The following PRPSAP1 variants were observed in gnomAD, a reference collection of about 807,000 sequenced individuals.
PRPSAP1 encodes phosphoribosyl pyrophosphate synthetase associated protein 1.
In PRPSAP1, 31 loss-of-function variants were observed where a neutral mutation model predicts 39.4. The ratio of observed to expected loss-of-function variants is 0.79; its 90% confidence interval spans 0.59 to 1.06. The LOEUF (loss-of-function observed/expected upper bound fraction) is 1.06. Among genes scored for constraint, PRPSAP1 ranks in the 50% least tolerant of loss-of-function variants. The probability of loss-of-function intolerance (pLI) is 0.00; values close to 1 mark genes in which losing one functional copy is unlikely to be tolerated. For synonymous variants in PRPSAP1, 212 were observed against 192.6 expected, an observed-to-expected ratio of 1.10 and a Z score of -0.83; for missense variants, 430 against 511.6, an observed-to-expected ratio of 0.84 and a Z score of 1.54.
intron 7 of PRPSAP1, 65 bp from the exon 8 acceptor site, chr17:76,313,956 A>C: frequency 6.4e-7 from 1 of 1,554,476 alleles, no homozygotes; most frequent in Non-Finnish European, 8.8e-7. Flanking sequence ...ATGTAATCAC[A>C]ACCTAATTCC....
intron 3 of PRPSAP1, among the ~76,000 whole-genome samples, chr17:76,334,696 T>G (rs894480147): frequency 3.5e-4 from 54 of 152,182 alleles, no homozygotes; most frequent in Non-Finnish European, 6.2e-4. Flanking sequence ...TCAAGACAAC[T>G]AAGACATTCC....
At chr17:76,321,026 T>C (rs1203492877) in intron 7 of PRPSAP1, among the ~76,000 whole-genome samples, 1 of 151,960 alleles carries the variant, frequency 6.6e-6, no homozygotes, top group Non-Finnish European at 1.5e-5. Flanking sequence ...CAACTGATCC[T>C]GGCACTTTGG....
chr17:76,315,361 AG>A (rs1157036699), intron 7 of PRPSAP1, among the ~76,000 whole-genome samples: 4 of 152,230 alleles, frequency 2.6e-5, no homozygotes, highest in African/African-American at 9.6e-5. Context: ...AATAAAATTC[AG>A]GGTAACAAGA....
At chr17:76,324,866 C>A (rs915979391) in intron 7 of PRPSAP1, among the ~76,000 whole-genome samples, 1 of 149,942 alleles carries the variant, frequency 6.7e-6, no homozygotes, top group African/African-American at 2.5e-5. Flanking sequence ...TCGAGACCAT[C>A]CTGGCTAACA....
intron 7 of PRPSAP1, among the ~76,000 whole-genome samples, chr17:76,323,234 C>G (rs1237143078): frequency 6.8e-6 from 1 of 147,168 alleles, no homozygotes; most frequent in South Asian, 2.2e-4. Flanking sequence ...CCCAGAAACT[C>G]GAGAGAATGA....
intron 1 of PRPSAP1, among the ~76,000 whole-genome samples, chr17:76,350,332 G>C (rs139174719): frequency 6.6e-6 from 1 of 151,594 alleles, no homozygotes; most frequent in Non-Finnish European, 1.5e-5. Flanking sequence ...CCAGCTACTC[G>C]GGAGGCTGAG....
intron 5 of PRPSAP1, 127 bp downstream of exon 5, chr17:76,330,424 G>T: frequency 2.8e-6 from 2 of 703,770 alleles, no homozygotes; most frequent in Non-Finnish European, 4.7e-6. Context: ...CCTGTCTGCT[G>T]CCTCAGGCAT....
chr17:76,326,554 CA>C (rs2071258150), intron 7 of PRPSAP1, among the ~76,000 whole-genome samples: 1 of 152,164 alleles, frequency 6.6e-6, no homozygotes, highest in African/African-American at 2.4e-5. Flanking sequence ...AGGACACAAA[CA>C]AGCCCCAATT....
intron 3 of PRPSAP1, among the ~76,000 whole-genome samples, chr17:76,336,917 G>A (rs2071385827): frequency 6.6e-6 from 1 of 151,994 alleles, no homozygotes; most frequent in African/African-American, 2.4e-5. Context: ...GAGAGATACC[G>A]GACAAATTGG....
chr17:76,319,844 C>T (rs1358004157), intron 7 of PRPSAP1, among the ~76,000 whole-genome samples: 1 of 152,126 alleles, frequency 6.6e-6, no homozygotes, highest in Admixed American at 6.5e-5. Flanking sequence ...TAAGAAAGCA[C>T]AAGATGAACA....
intron 9 of PRPSAP1, among the ~76,000 whole-genome samples, chr17:76,312,516 A>C (rs1201555180): frequency 6.6e-6 from 1 of 152,196 alleles, no homozygotes; most frequent in Non-Finnish European, 1.5e-5. Flanking sequence ...AAACATGCCC[A>C]GAACAGTTAC....
At chr17:76,332,002 G>A (rs1028460688) in intron 4 of PRPSAP1, among the ~76,000 whole-genome samples, 5 of 152,118 alleles carry the variant, frequency 3.3e-5, no homozygotes, top group African/African-American at 1.2e-4. Context: ...TAAGAATTTA[G>A]CGATGACAAG....
intron 1 of PRPSAP1, 70 bp downstream of exon 1, chr17:76,353,464 G>A (rs1472197571): frequency 2.2e-6 from 3 of 1,375,160 alleles, no homozygotes; most frequent in Middle Eastern, 2.6e-4. Flanking sequence ...GGAGGGGAGC[G>A]GGTCCCTCCG....
rs2071519536 is a variant in PRPSAP1 at position 76,347,483 on chromosome 17, TC to T, written c.223+1045del. The stretch of plus-strand genomic sequence containing the variant: ...GCCTGGGTGACAGAGCAAGACTCCG[TC>T]AAAAAAAAAAAAAAAAAAAAAAAAA... On this transcript the variant is annotated intron_variant, in intron 2 of 9. Transcript: ENST00000446526. 2.2e-4 allele frequency among the ~76,000 whole-genome samples: 8 copies of T among 36,028 alleles called. No individual in the cohort carries two copies. The South Asian group carries it at 7.8e-3, about 35-fold the overall frequency. The allele number at this position is 36,028 out of a possible 152,430, so 23.6% of individuals were successfully genotyped here.
At position 76,330,599 on chromosome 17, in the gene PRPSAP1, C is replaced by T. The variant is rs1215970720; in HGVS notation, c.531G>A (p.Val177=). 3.1e-6 allele frequency: 5 copies of T among 1,613,072 alleles called. No homozygotes were observed. The East Asian group carries it at 6.7e-5, about 22-fold the overall frequency. The change falls in exon 5 of 10, where the codon GTG becomes GTA. Residue 177 remains valine, a synonymous_variant. Transcript: ENST00000446526. ...KEIQGFFSFP[V]DNLRASPFLL... The stretch of plus-strand genomic sequence containing the variant: ...GGAAAGGTGAGGCTCTAAGGTTGTC[C>T]ACAGGAAAGCTGAAAAAGCCTTGTA...
At chr17:76,325,132 G>A (rs1214230047) in intron 7 of PRPSAP1, among the ~76,000 whole-genome samples, 6 of 148,022 alleles carry the variant, frequency 4.1e-5, no homozygotes, top group African/African-American at 7.5e-5. Context: ...ACCTGGGTCC[G>A]GGCACAGTGG....
intron 3 of PRPSAP1, among the ~76,000 whole-genome samples, chr17:76,344,375 C>T (rs1289719759): frequency 2.0e-5 from 3 of 152,266 alleles, no homozygotes; most frequent in East Asian, 1.9e-4. Context: ...GTGATCCGCC[C>T]GCCTCGGCCT....
At chr17:76,335,044 C>A (rs1353602601) in intron 3 of PRPSAP1, among the ~76,000 whole-genome samples, 5 of 152,166 alleles carry the variant, frequency 3.3e-5, no homozygotes, top group Non-Finnish European at 7.3e-5. Context: ...CAAGAAGGAG[C>A]ACATCTGACT....
At position 76,310,684 on chromosome 17, in the gene PRPSAP1, G is replaced by A. The variant is rs1387598383; in HGVS notation, c.*858C>T. On this transcript the variant is annotated 3_prime_UTR_variant, in exon 10 of 10. Coordinates refer to ENST00000446526, the MANE Select transcript of PRPSAP1 (RefSeq NM_002766.3). Reference sequence around the variant, plus strand: ...GGGTTTCGCCATGTTTCCCAGGCTGGTCTGAAACTCCTGGGCTCAAGCAAT... The same window carrying A: ...GGGTTTCGCCATGTTTCCCAGGCTGATCTGAAACTCCTGGGCTCAAGCAAT... 1.3e-5 allele frequency: 2 copies of A among 151,648 alleles called. No individual in the cohort carries two copies. The highest frequency in any genetic ancestry group is 2.4e-5 in the African/African-American group (1 of 41,234). 9.4% of individuals were successfully genotyped at this position (151,648 alleles called of 1,614,324 possible).
Sources: gnomAD v4.1 joint callset for allele counts (sites outside exome capture counted in the v4.1 genomes callset) on GRCh38, gnomAD v4.1.1 for gene constraint, MANE v1.5 for transcripts, NCBI Gene and HGNC (gene_info 2026-07-23, HGNC 2026-07-21) for gene names.